PEBP4: variants seen among roughly 807,000 people sequenced by gnomAD.
The protein encoded by PEBP4 is phosphatidylethanolamine binding protein 4, also known as phosphatidylethanolamine-binding protein 4.
A neutral mutation model predicts 23.9 loss-of-function variants in PEBP4; 22 were observed. The ratio of observed to expected loss-of-function variants is 0.92; its 90% confidence interval spans 0.66 to 1.31. PEBP4 has a LOEUF of 1.31. Among genes scored for constraint, PEBP4 ranks in the 40% most tolerant of loss-of-function variants. The pLI, the probability that PEBP4 is intolerant of heterozygous loss-of-function variation, is 0.00. For synonymous variants in PEBP4, 112 were observed against 99.3 expected, an observed-to-expected ratio of 1.13 and a Z score of -0.76; for missense variants, 324 against 281.7, an observed-to-expected ratio of 1.15 and a Z score of -1.07.
chr8:22,850,411 T>C (rs1807528324), intron 3 of PEBP4, among the ~76,000 whole-genome samples: 1 of 152,204 alleles, frequency 6.6e-6, no homozygotes, highest in South Asian at 2.1e-4. Context: ...CAGGGGCTTC[T>C]TGGAGCAAGC....
chr8:22,740,868 G>T (rs1804975265), intron 4 of PEBP4, among the ~76,000 whole-genome samples: 1 of 152,174 alleles, frequency 6.6e-6, no homozygotes, highest in Non-Finnish European at 1.5e-5. Context: ...GTGACTCTGG[G>T]TGTGCTATTC....
intron 3 of PEBP4, among the ~76,000 whole-genome samples, chr8:22,898,434 C>CAA (rs1554495562): frequency 7.9e-6 from 1 of 126,472 alleles, no homozygotes; most frequent in African/African-American, 2.9e-5. Context: ...AAAAAAAACC[C>CAA]ACCCAGTCTA....
rs570183430 is a variant in PEBP4, at chr8:22,809,103, T to C, written c.357+8534A>G. On this transcript the variant is annotated intron_variant, in intron 4 of 6. Coordinates refer to ENST00000256404, the MANE Select transcript of PEBP4 (RefSeq NM_144962.3). The stretch of plus-strand genomic sequence containing the variant: ...GCTTCCTATGGAGGATTGAGGGTGG[T>C]AAAGGATGGAAGGAGGAAAGAGCCA... Among the ~76,000 whole-genome samples, 8 of 152,132 alleles carry C rather than the reference T, an allele frequency of 5.3e-5. No individual in the cohort carries two copies. The East Asian group carries it at 1.2e-3, about 22-fold the overall frequency.
At chr8:22,749,220 G>T (rs1255237968) in intron 4 of PEBP4, among the ~76,000 whole-genome samples, 1 of 152,214 alleles carries the variant, frequency 6.6e-6, no homozygotes, top group Non-Finnish European at 1.5e-5. Context: ...GCTGTGGGGT[G>T]TGTTCCTTCT....
At chr8:22,810,877 TGAGAGAGAGAGAGAGAGA>T (rs33995327) in intron 4 of PEBP4, among the ~76,000 whole-genome samples, 2 of 137,142 alleles carry the variant, frequency 1.5e-5, no homozygotes, top group Admixed American at 7.3e-5. Context: ...CTCAGAGTGC[TGAGAGAGAGAGAGAGAGA>T]GAGAGAGAGA....
intron 4 of PEBP4, among the ~76,000 whole-genome samples, chr8:22,812,743 T>C (rs1806657622): frequency 6.6e-6 from 1 of 152,330 alleles, no homozygotes; most frequent in South Asian, 2.1e-4. Flanking sequence ...TCTGGATATA[T>C]AGAAAATGAG....
At chr8:22,733,612 C>T (rs1459052790) in intron 4 of PEBP4, among the ~76,000 whole-genome samples, 1 of 152,116 alleles carries the variant, frequency 6.6e-6, no homozygotes, top group Admixed American at 6.6e-5. Flanking sequence ...GCTCGTGGTG[C>T]CTCAGAGCAA....
chr8:22,925,355 A>C lies in PEBP4; in HGVS notation c.131+2229T>G, dbSNP rs76786764. ...CTGAACCTGGGGTGAAGGTTGTCAG[A>C]AGCAGATAGGGAAAGAGCGTGAGTG... On this transcript the variant is annotated intron_variant, in intron 2 of 6. Transcript: ENST00000256404. 5.7e-4 allele frequency: 559 copies of C among 983,268 alleles called. No homozygotes were observed. The African/African-American group carries it at 9.4e-3, about 17-fold the overall frequency. 60.9% of individuals were successfully genotyped at this position (983,268 alleles called of 1,614,324 possible).
At chr8:22,909,054 A>G (rs893085113) in intron 3 of PEBP4, among the ~76,000 whole-genome samples, 2 of 152,074 alleles carry the variant, frequency 1.3e-5, no homozygotes, top group Admixed American at 6.5e-5. Flanking sequence ...GGGATCCTCT[A>G]TTTTTTTCAC....
chr8:22,773,406 C>G (rs2128754239), intron 4 of PEBP4, among the ~76,000 whole-genome samples: 2 of 152,206 alleles, frequency 1.3e-5, no homozygotes, highest in Non-Finnish European at 2.9e-5. Flanking sequence ...CTGGAGGAGA[C>G]CCGTGACCCC....
chr8:22,928,339 C>T (rs1019613920), upstream of PEBP4, among the ~76,000 whole-genome samples: 3 of 152,170 alleles, frequency 2.0e-5, no homozygotes, highest in African/African-American at 4.8e-5. Context: ...CACCCCAGAC[C>T]GAGGCCAGCT....
At chr8:22,868,315 T>C (rs1311795031) in intron 3 of PEBP4, among the ~76,000 whole-genome samples, 1 of 152,180 alleles carries the variant, frequency 6.6e-6, no homozygotes, top group Non-Finnish European at 1.5e-5. Context: ...AGTGTGATTT[T>C]TGGTAGCCTG....
intron 4 of PEBP4, among the ~76,000 whole-genome samples, chr8:22,786,498 G>A (rs117052063): frequency 0.011 from 1,604 of 152,136 alleles, 23 homozygotes; most frequent in South Asian, 0.07. Flanking sequence ...TGCCCAGGCT[G>A]GTCTCGAGCT....
rs974476138 is a variant in PEBP4, at chr8:22,927,733, G to T, written c.-6-13C>A. ...AACCCATGGGCACCTGGAACAGAAA[G>T]AACTTTAGAGCGGCTGGATCCCCTG... On this transcript the variant is annotated splice_polypyrimidine_tract_variant and intron_variant, in intron 1 of 6. Coordinates refer to ENST00000256404, the MANE Select transcript of PEBP4 (RefSeq NM_144962.3). 1 of 1,613,138 alleles carries T rather than the reference G, an allele frequency of 6.2e-7. No individual in the cohort carries two copies. The highest frequency in any genetic ancestry group is 1.7e-5 in the Admixed American group (1 of 59,842).
intron 3 of PEBP4, among the ~76,000 whole-genome samples, chr8:22,871,552 ATTTTTTT>A (rs35759089): frequency 1.9e-4 from 22 of 115,294 alleles, no homozygotes; most frequent in Non-Finnish European, 2.7e-4. Context: ...GATTTCTGGG[ATTTTTTT>A]TTTTTTTTTT....
At chr8:22,858,903 C>A (rs797022456) in intron 3 of PEBP4, among the ~76,000 whole-genome samples, 44 of 152,254 alleles carry the variant, frequency 2.9e-4, no homozygotes, top group African/African-American at 9.6e-4. Context: ...GCCAAGATTG[C>A]ACCACTGCAC....
chr8:22,793,313 C>CTGGAG, intron 4 of PEBP4, among the ~76,000 whole-genome samples: 1 of 152,240 alleles, frequency 6.6e-6, no homozygotes, highest in South Asian at 2.1e-4. Flanking sequence ...GTCACCTAGG[C>CTGGAG]TGGAGTGCAG....
intron 4 of PEBP4, among the ~76,000 whole-genome samples, chr8:22,780,869 C>T (rs1805899420): frequency 6.6e-6 from 1 of 152,188 alleles, no homozygotes; most frequent in South Asian, 2.1e-4. Context: ...GCTCCGAGTG[C>T]TCCCACGTGT....
chr8:22,782,266 G>A (rs983789878), intron 4 of PEBP4, among the ~76,000 whole-genome samples: 1 of 152,184 alleles, frequency 6.6e-6, no homozygotes, highest in Non-Finnish European at 1.5e-5. Flanking sequence ...CCTTACCAGT[G>A]GGCTTGATAA....
Sources: gnomAD v4.1 joint callset for allele counts (sites outside exome capture counted in the v4.1 genomes callset) on GRCh38, gnomAD v4.1.1 for gene constraint, MANE v1.5 for transcripts, NCBI Gene and HGNC (gene_info 2026-07-23, HGNC 2026-07-21) for gene names.